Variants in SEMA3D observed in about 807,000 individuals in gnomAD.
SEMA3D encodes semaphorin-3D.
SEMA3D carries 84 observed loss-of-function variants against 100.1 expected under a neutral mutation model. That is an observed-to-expected ratio of 0.84 (90% confidence interval 0.70 to 1.01). SEMA3D has a LOEUF of 1.01. Ranked by LOEUF, SEMA3D falls within the 50% of genes least tolerant of loss-of-function variation. The pLI, the probability that SEMA3D is intolerant of heterozygous loss-of-function variation, is 0.00. For synonymous variants in SEMA3D, 312 were observed against 320.7 expected (o/e 0.97, Z 0.29); for missense variants, 875 against 934.1 (o/e 0.94, Z 0.82).
At chr7:85,151,829 G>T in intron 2 of SEMA3D, 1 of 686,924 alleles carries the variant, frequency 1.5e-6, no homozygotes, top group Non-Finnish European at 1.8e-6. Context: ...ATTTTAGACT[G>T]TCTGTAAAAA....
At chr7:85,126,645 T>G (rs1257150195) in intron 2 of SEMA3D, among the ~76,000 whole-genome samples, 1 of 152,062 alleles carries the variant, frequency 6.6e-6, no homozygotes, top group Non-Finnish European at 1.5e-5. Context: ...TTTTGAGCTA[T>G]TGTTTGATTA....
intron 3 of SEMA3D, among the ~76,000 whole-genome samples, chr7:85,113,993 T>G (rs1305767116): frequency 2.6e-5 from 4 of 152,166 alleles, no homozygotes; most frequent in Non-Finnish European, 5.9e-5. Flanking sequence ...GGCTGATTAT[T>G]TTTAACCTCA....
chr7:85,184,283 A>C, intron 1 of SEMA3D, among the ~76,000 whole-genome samples: 1 of 152,152 alleles, frequency 6.6e-6, no homozygotes, highest in East Asian at 1.9e-4. Flanking sequence ...CCCAGGTAAA[A>C]CAGTTCGTAT....
chr7:85,139,175 A>G (rs547441093), intron 2 of SEMA3D, among the ~76,000 whole-genome samples: 2 of 152,152 alleles, frequency 1.3e-5, no homozygotes, highest in African/African-American at 4.8e-5. Flanking sequence ...AGCAACTGAG[A>G]CTGGTAAAAT....
chr7:85,239,676 A>G, the SEMA3D span, among the ~76,000 whole-genome samples: 15 of 152,176 alleles, frequency 9.9e-5, no homozygotes, highest in Non-Finnish European at 2.1e-4. Flanking sequence ...CACAAACGTT[A>G]ACATTCAGTT....
At chr7:85,185,402 C>T (rs1287297264) in intron 1 of SEMA3D, among the ~76,000 whole-genome samples, 7 of 152,042 alleles carry the variant, frequency 4.6e-5, no homozygotes, top group African/African-American at 1.4e-4. Context: ...TAGGCTAAAC[C>T]GGAAAGTTTA....
At chr7:85,092,646 A>G (rs1788430756) in intron 4 of SEMA3D, among the ~76,000 whole-genome samples, 1 of 152,058 alleles carries the variant, frequency 6.6e-6, no homozygotes, top group Non-Finnish European at 1.5e-5. Context: ...TACATTAACT[A>G]TTTAGTGAAT....
chr7:85,155,772 T>G (rs2116502959), intron 1 of SEMA3D, among the ~76,000 whole-genome samples: 1 of 152,280 alleles, frequency 6.6e-6, no homozygotes, highest in South Asian at 2.1e-4. Flanking sequence ...TTGCCAGAGA[T>G]AATATTTGCA....
At chr7:85,122,015 C>G in intron 2 of SEMA3D, 84 bp from the exon 3 acceptor site, 1 of 642,764 alleles carries the variant, frequency 1.6e-6, no homozygotes, top group Non-Finnish European at 2.5e-6. Flanking sequence ...TATCATCTCA[C>G]TCTTAAGTGG....
intron 2 of SEMA3D, among the ~76,000 whole-genome samples, chr7:85,146,850 C>T (rs1003075224): frequency 6.6e-6 from 1 of 151,732 alleles, no homozygotes; most frequent in Non-Finnish European, 1.5e-5. Flanking sequence ...TGTGGGGATA[C>T]TCAAAGGAGT....
At chr7:85,040,499 A>T (rs935626718) in intron 11 of SEMA3D, among the ~76,000 whole-genome samples, 174 bp downstream of exon 11, 5 of 152,094 alleles carry the variant, frequency 3.3e-5, no homozygotes, top group Non-Finnish European at 5.9e-5. Flanking sequence ...AAAAAAAAGA[A>T]TTTTTTACAC....
chr7:85,113,231 G>A (rs993326071), intron 3 of SEMA3D, among the ~76,000 whole-genome samples: 4 of 152,016 alleles, frequency 2.6e-5, no homozygotes, highest in Admixed American at 6.6e-5. Context: ...CATATAATAC[G>A]AAACCTGGAA....
Position 85,144,572 on chromosome 7 carries a change from T to C in SEMA3D, c.-41+9036A>G. 4 of 985,212 alleles carry C rather than the reference T, an allele frequency of 4.1e-6. No individual in the cohort carries two copies. In the South Asian group the frequency reaches 1.9e-4, roughly 46 times the overall value. 61.0% of individuals were successfully genotyped at this position (985,212 alleles called of 1,614,324 possible). A position where few individuals can be genotyped will look rare whatever the true frequency, so the allele number is the denominator to read the frequency against. ...AACACAATTCTCACAACCATCAGGA[T>C]TTCCGTGAGGATCTTTATCAGGGTT... is the stretch of plus-strand genomic sequence containing the variant. On this transcript the variant is annotated intron_variant, in intron 2 of 18. Coordinates refer to ENST00000284136, the MANE Select transcript of SEMA3D (RefSeq NM_001384900.1).
chr7:85,036,091 T>C (rs1283436865), intron 12 of SEMA3D, among the ~76,000 whole-genome samples: 1 of 151,978 alleles, frequency 6.6e-6, no homozygotes, highest in Non-Finnish European at 1.5e-5. Context: ...ATTTTAAACC[T>C]CTTGGTAGTA....
intron 2 of SEMA3D, among the ~76,000 whole-genome samples, chr7:85,133,832 A>T (rs758106352): frequency 6.6e-6 from 1 of 152,038 alleles, no homozygotes; most frequent in African/African-American, 2.4e-5. Context: ...GAAAGCACTT[A>T]GTATCTTCTC....
intron 5 of SEMA3D, among the ~76,000 whole-genome samples, chr7:85,076,927 C>T (rs1355818948): frequency 1.3e-5 from 2 of 151,944 alleles, no homozygotes; most frequent in African/African-American, 2.4e-5. Context: ...ATTTTCTCTA[C>T]TAAAAATACA....
At chr7:85,119,292 C>G (rs1433892169) in intron 3 of SEMA3D, among the ~76,000 whole-genome samples, 1 of 152,118 alleles carries the variant, frequency 6.6e-6, no homozygotes, top group African/African-American at 2.4e-5. Flanking sequence ...ATAAATCTTT[C>G]TATTATAAAG....
chr7:85,117,602 G>A (rs369761772), intron 3 of SEMA3D, among the ~76,000 whole-genome samples: 171 of 151,990 alleles, frequency 1.1e-3, no homozygotes, highest in South Asian at 1.7e-3. Context: ...GTGAAACTCC[G>A]TCTCTACAAA....
chr7:85,129,166 C>T (rs74791003), intron 2 of SEMA3D, among the ~76,000 whole-genome samples: 3 of 152,088 alleles, frequency 2.0e-5, no homozygotes, highest in East Asian at 1.9e-4. Flanking sequence ...ATTGGGATTA[C>T]AGGCGTGAGC....
Sources: gnomAD v4.1 joint callset for allele counts (sites outside exome capture counted in the v4.1 genomes callset) on GRCh38, gnomAD v4.1.1 for gene constraint, MANE v1.5 for transcripts, NCBI Gene and HGNC (gene_info 2026-07-23, HGNC 2026-07-21) for gene names.